CFAP54: variants seen among roughly 807,000 people sequenced by gnomAD.
CFAP54 encodes the protein cilia and flagella associated protein 54, also known as cilia- and flagella-associated protein 54.
CFAP54 carries 290 observed loss-of-function variants against 370.4 expected under a neutral mutation model. That is an observed-to-expected ratio of 0.78 (90% CI 0.71 to 0.86). The LOEUF is 0.86. Ranked by LOEUF, CFAP54 falls within the 40% of genes least tolerant of loss-of-function variation. The pLI is 0.00. For missense variants in CFAP54, 3,399 were observed against 3,528.7 expected (o/e 0.96, Z 0.93); for synonymous variants, 1,206 against 1,236.5 (o/e 0.98, Z 0.52).
At chr12:96,707,590 T>A (rs1209528188) in intron 47 of CFAP54, among the ~76,000 whole-genome samples, 1 of 152,082 alleles carries the variant, frequency 6.6e-6, no homozygotes, top group Non-Finnish European at 1.5e-5. Context: ...GTTATTAAAA[T>A]GGAGGAGATG....
At chr12:96,849,824 C>T (rs1959484787) in intron 66 of CFAP54, among the ~76,000 whole-genome samples, 1 of 152,092 alleles carries the variant, frequency 6.6e-6, no homozygotes, top group Non-Finnish European at 1.5e-5. Context: ...ACAAAATCAT[C>T]ACCATTTCTT....
chr12:96,721,006 C>A (rs1488930379), intron 50 of CFAP54, among the ~76,000 whole-genome samples: 16 of 148,534 alleles, frequency 1.1e-4, no homozygotes, highest in African/African-American at 4.0e-4. Flanking sequence ...GATGACAGAG[C>A]AAGACTCTGT....
chr12:96,702,763 T>A (rs1428675735), intron 46 of CFAP54, among the ~76,000 whole-genome samples: 3 of 152,202 alleles, frequency 2.0e-5, no homozygotes, highest in Non-Finnish European at 2.9e-5. Context: ...GGAAGTGTGT[T>A]CAGGATTTAT....
At chr12:96,687,054 C>T (rs974002295) in intron 42 of CFAP54, among the ~76,000 whole-genome samples, 4 of 152,130 alleles carry the variant, frequency 2.6e-5, no homozygotes, top group African/African-American at 4.8e-5. Context: ...CATTCCTTGG[C>T]GCATGGCCCC....
Position 96,564,677 on chromosome 12 carries a change from C to T in CFAP54, c.2531C>T (p.Thr844Ile). 1.6e-6 allele frequency: 1 copy of T among 639,462 alleles called. No homozygotes were observed. Among genetic ancestry groups the T allele is most frequent in the South Asian group, 1.9e-5 (1 of 53,976 alleles). 39.6% of individuals were successfully genotyped at this position (639,462 alleles called of 1,614,324 possible). A position where few individuals can be genotyped will look rare whatever the true frequency, so the allele number is the denominator to read the frequency against. ...LNIMNKIKKNTLSKAIYLMQK... is the reference protein window; with the variant it reads ...LNIMNKIKKNILSKAIYLMQK... ...ATAATGAATAAAATAAAGAAGAATA[C>T]ATTATCCAAAGCAATTTACTTAATG... Residue 844 changes from threonine to isoleucine, a missense_variant, in exon 19 of 68, where the codon ACA becomes ATA. Thr to Ile is a moderately conservative substitution (Grantham distance 89). Coordinates refer to ENST00000524981, the MANE Select transcript of CFAP54 (RefSeq NM_001306084.2).
intron 43 of CFAP54, among the ~76,000 whole-genome samples, chr12:96,689,195 C>G (rs1453282066): frequency 1.3e-5 from 2 of 151,982 alleles, no homozygotes; most frequent in Admixed American, 6.6e-5. Flanking sequence ...GAGTCTCACT[C>G]TGTCAGCCAG....
At chr12:96,771,567 G>T (rs951832918) in intron 60 of CFAP54, among the ~76,000 whole-genome samples, 1 of 152,188 alleles carries the variant, frequency 6.6e-6, no homozygotes, top group Admixed American at 6.5e-5. Context: ...CAGGAGAATG[G>T]CGTGAACCCG....
chr12:96,582,215 G>A (rs944963381), intron 22 of CFAP54, among the ~76,000 whole-genome samples: 1 of 152,166 alleles, frequency 6.6e-6, no homozygotes. Context: ...TGAATAAATA[G>A]TATTGTTTTT....
chr12:96,808,159 A>G (rs1177487253), intron 63 of CFAP54, among the ~76,000 whole-genome samples: 4 of 152,142 alleles, frequency 2.6e-5, no homozygotes. Flanking sequence ...CTTTCAAAGA[A>G]CTATACAGTC....
intron 3 of CFAP54, among the ~76,000 whole-genome samples, chr12:96,504,263 A>C (rs545261111): frequency 1.3e-5 from 2 of 152,364 alleles, no homozygotes; most frequent in East Asian, 3.8e-4. Flanking sequence ...GTTGTTATTT[A>C]ATAACTAATA....
chr12:96,811,717 C>T lies in CFAP54; in HGVS notation c.8851-19C>T, dbSNP rs551883249. On this transcript the variant is annotated intron_variant, in intron 63 of 67. Coordinates refer to ENST00000524981, the MANE Select transcript of CFAP54 (RefSeq NM_001306084.2). The stretch of plus-strand genomic sequence containing the variant: ...TAATTTTGATGTCACATTTTATACC[C>T]CTTTTATTTTTCTTATAGGTTTTAT... 3.8e-4 allele frequency: 489 copies of T among 1,275,286 alleles called. No individual in the cohort carries two copies. Among genetic ancestry groups the T allele is most frequent in the Non-Finnish European group, 4.7e-4 (447 of 943,982 alleles). 79.0% of individuals were successfully genotyped at this position (1,275,286 alleles called of 1,614,324 possible).
At chr12:96,561,704 TACACACACAC>T (rs56098924) in intron 17 of CFAP54, among the ~76,000 whole-genome samples, 12,486 of 125,298 alleles carry the variant, frequency 0.1, 998 homozygotes, top group East Asian at 0.44. Flanking sequence ...AGCTAAGAAA[TACACACACAC>T]ACACACACAC....
intron 46 of CFAP54, among the ~76,000 whole-genome samples, chr12:96,702,225 GCAT>G (rs58956957): frequency 0.71 from 108,458 of 151,932 alleles, 39,645 homozygotes; most frequent in African/African-American, 0.87. Flanking sequence ...CCAGATAGGA[GCAT>G]GTTAAGTATG....
At chr12:96,494,187 G>T (rs1954921583) in intron 1 of CFAP54, among the ~76,000 whole-genome samples, 1 of 152,144 alleles carries the variant, frequency 6.6e-6, no homozygotes, top group Admixed American at 6.5e-5. Flanking sequence ...AGTGAAAGAG[G>T]TACAACAGTA....
chr12:96,684,038 C>T (rs979368108), intron 40 of CFAP54, among the ~76,000 whole-genome samples: 3 of 152,118 alleles, frequency 2.0e-5, no homozygotes, highest in Non-Finnish European at 2.9e-5. Context: ...GTGATCTGCC[C>T]GGTTTGGCCT....
intron 32 of CFAP54, among the ~76,000 whole-genome samples, chr12:96,640,261 CA>C (rs1162405756): frequency 3.9e-5 from 6 of 152,304 alleles, no homozygotes; most frequent in African/African-American, 1.2e-4. Context: ...GTGCAAAAAT[CA>C]CAAGTATTTT....
intron 15 of CFAP54, among the ~76,000 whole-genome samples, chr12:96,550,726 A>G (rs1410490373): frequency 6.6e-6 from 1 of 152,362 alleles, no homozygotes; most frequent in East Asian, 1.9e-4. Context: ...TGCAGAGCTC[A>G]TGAGAAAGTT....
intron 50 of CFAP54, among the ~76,000 whole-genome samples, chr12:96,737,215 AG>A (rs1056484223): frequency 4.6e-5 from 7 of 152,136 alleles, no homozygotes; most frequent in African/African-American, 1.7e-4. Flanking sequence ...GCACTCAAAA[AG>A]CTTTAGATTT....
intron 58 of CFAP54, among the ~76,000 whole-genome samples, chr12:96,762,464 C>T (rs1416729755): frequency 6.6e-6 from 1 of 152,182 alleles, no homozygotes; most frequent in Non-Finnish European, 1.5e-5. Context: ...TGTGCAATGT[C>T]GAACATCTCC....
Sources: gnomAD v4.1 joint callset for allele counts (sites outside exome capture counted in the v4.1 genomes callset) on GRCh38, gnomAD v4.1.1 for gene constraint, MANE v1.5 for transcripts, NCBI Gene and HGNC (gene_info 2026-07-23, HGNC 2026-07-21) for gene names.